The following ACTR10 variants were observed in gnomAD, a reference collection of about 807,000 sequenced individuals.
ACTR10 encodes actin-related protein 10.
In ACTR10, 43 loss-of-function variants were observed where a neutral mutation model predicts 56.2. The observed-to-expected ratio is 0.77, with a 90% CI of 0.60 to 0.99. The LOEUF (loss-of-function observed/expected upper bound fraction) is 0.99. Among genes scored for constraint, ACTR10 ranks in the 50% least tolerant of loss-of-function variants. The pLI is 0.00. For synonymous variants in ACTR10, 170 were observed against 176.3 expected (o/e 0.96, Z 0.28); for missense variants, 466 against 507.8 (o/e 0.92, Z 0.79).
intron 4 of ACTR10, among the ~76,000 whole-genome samples, chr14:58,209,604 G>A (rs1888947622): frequency 1.3e-5 from 2 of 152,060 alleles, no homozygotes; most frequent in Admixed American, 1.3e-4. Flanking sequence ...CTCCCTTAGA[G>A]TAAGTTGGTA....
chr14:58,207,872 T>C, intron 2 of ACTR10, 64 bp from the exon 3 acceptor site: 1 of 992,380 alleles, frequency 1.0e-6, no homozygotes. Context: ...AATAATTACA[T>C]TTTAATCTTA....
At chr14:58,217,087 T>C (rs1374113965) in intron 7 of ACTR10, among the ~76,000 whole-genome samples, 1 of 152,224 alleles carries the variant, frequency 6.6e-6, no homozygotes, top group Non-Finnish European at 1.5e-5. Flanking sequence ...AACTTTGTGA[T>C]GTCTTAGTAT....
In ACTR10 at chr14:58,224,000, T is replaced by C; in HGVS notation, c.788+144T>C. The C allele has an allele frequency of 5.4e-6, 4 of 745,776 alleles. No homozygotes were observed. The East Asian group carries it at 1.1e-4, about 20-fold the overall frequency. 46.2% of individuals were successfully genotyped at this position (745,776 alleles called of 1,614,324 possible). A position where few individuals can be genotyped will look rare whatever the true frequency, so the allele number is the denominator to read the frequency against. ...AAGCCTCATTATTCATGATTAATTT[T>C]ATTCAGCTTTTTTTTTTTGAGACAA... On this transcript the variant is annotated intron_variant, in intron 10 of 12. Transcript: ENST00000254286.
intron 11 of ACTR10, 50 bp downstream of exon 11, chr14:58,230,530 A>G (rs1322324105): frequency 2.1e-6 from 2 of 967,180 alleles, no homozygotes; most frequent in Non-Finnish European, 1.5e-6. Flanking sequence ...TCCTTTAAAT[A>G]TAAATTTTAA....
intron 12 of ACTR10, 131 bp downstream of exon 12, chr14:58,232,398 CTTTTTCTTTTTTTTT>C: frequency 4.9e-6 from 1 of 204,740 alleles, no homozygotes; most frequent in Non-Finnish European, 8.5e-6. Flanking sequence ...CTAACACTGA[CTTTTTCTTTTTTTTT>C]TTTTTTTTTT....
chr14:58,208,932 T>C, intron 3 of ACTR10, 67 bp from the exon 4 acceptor site: 1 of 1,054,342 alleles, frequency 9.5e-7, no homozygotes, highest in Non-Finnish European at 1.4e-6. Context: ...TCACTGTTCT[T>C]AAATTGTATG....
intron 6 of ACTR10, among the ~76,000 whole-genome samples, chr14:58,214,169 A>G (rs1889072942): frequency 6.6e-6 from 1 of 152,002 alleles, no homozygotes; most frequent in African/African-American, 2.4e-5. Context: ...TCCCTCCACT[A>G]TCCTCCCTGG....
intron 8 of ACTR10, among the ~76,000 whole-genome samples, chr14:58,222,150 A>G (rs984741608): frequency 1.9e-4 from 29 of 152,044 alleles, no homozygotes; most frequent in African/African-American, 5.3e-4. Flanking sequence ...TGCATTATAT[A>G]TATTATACAC....
intron 2 of ACTR10, among the ~76,000 whole-genome samples, chr14:58,206,021 C>CA (rs1019299482): frequency 3.3e-5 from 5 of 149,512 alleles, no homozygotes; most frequent in East Asian, 2.1e-4. Context: ...GACTCCATGT[C>CA]AAAAAAAACG....
intron 2 of ACTR10, among the ~76,000 whole-genome samples, chr14:58,204,904 G>A (rs1888818137): frequency 6.6e-6 from 1 of 151,826 alleles, no homozygotes; most frequent in African/African-American, 2.4e-5. Flanking sequence ...TCCTTTTTTA[G>A]CAATCGCATA....
intron 6 of ACTR10, among the ~76,000 whole-genome samples, chr14:58,214,636 G>A (rs909127983): frequency 3.3e-5 from 5 of 151,118 alleles, no homozygotes; most frequent in South Asian, 2.1e-4. Context: ...GACTACAGGC[G>A]TGCGCCGCCA....
intron 2 of ACTR10, among the ~76,000 whole-genome samples, chr14:58,206,234 A>G (rs1043004647): frequency 1.3e-5 from 2 of 150,882 alleles, no homozygotes; most frequent in African/African-American, 4.9e-5. Flanking sequence ...GGAGTGCAGT[A>G]TCATGATCTC....
chr14:58,232,367 T>C (rs1889559061), intron 12 of ACTR10, 100 bp downstream of exon 12: 1 of 799,722 alleles, frequency 1.3e-6, no homozygotes, highest in Non-Finnish European at 1.9e-6. Context: ...GGGTTCAGAA[T>C]TGCCCACTTT....
chr14:58,209,442 CT>C (rs1280816222), intron 4 of ACTR10, among the ~76,000 whole-genome samples: 1 of 151,752 alleles, frequency 6.6e-6, no homozygotes, highest in Non-Finnish European at 1.5e-5. Flanking sequence ...TATTTGGGGA[CT>C]TTTTTTTATT....
chr14:58,231,162 C>G, intron 11 of ACTR10: 1 of 238,302 alleles, frequency 4.2e-6, no homozygotes, highest in South Asian at 3.6e-5. Context: ...AAGTGAGTAT[C>G]CTGCCTCAGC....
At position 58,234,498 on chromosome 14, in the gene ACTR10, G is replaced by A. The variant is rs1365505956; in HGVS notation, c.1201G>A (p.Val401Ile). The A allele has an allele frequency of 2.5e-6, 4 of 1,613,752 alleles. No individual in the cohort carries two copies. Among genetic ancestry groups the A allele is most frequent in the Non-Finnish European group, 3.4e-6 (4 of 1,179,812 alleles). ...CCCACCTTTGGAAATGATGTTTGATGTCGGGAAAACTCAACCACCTCTGAT... is the reference window on the plus strand; with the variant it reads ...CCCACCTTTGGAAATGATGTTTGATATCGGGAAAACTCAACCACCTCTGAT... Reference protein sequence around the residue: ...NNPPLEMMFDVGKTQPPLMKR... With the variant: ...NNPPLEMMFDIGKTQPPLMKR... Residue 401 changes from valine (V) to isoleucine (I), a missense_variant, in exon 13 of 13, where the codon GTC (valine) becomes ATC (isoleucine). Coordinates refer to ENST00000254286, the MANE Select transcript of ACTR10 (RefSeq NM_018477.3).
chr14:58,228,616 C>CT (rs1889456264), intron 10 of ACTR10, among the ~76,000 whole-genome samples: 1 of 144,310 alleles, frequency 6.9e-6, no homozygotes, highest in African/African-American at 2.6e-5. Flanking sequence ...AAAAAAAAGT[C>CT]CGACATATTA....
At chr14:58,211,102 T>C (rs1859551046) in intron 4 of ACTR10, 190 bp from the exon 5 acceptor site, 2 of 482,208 alleles carry the variant, frequency 4.1e-6, no homozygotes, top group Non-Finnish European at 3.7e-6. Context: ...GTATTTTGGT[T>C]ATTGAGTGAA....
chr14:58,211,927 G>A (rs1401118967), intron 5 of ACTR10, among the ~76,000 whole-genome samples: 5 of 148,240 alleles, frequency 3.4e-5, no homozygotes, highest in Non-Finnish European at 7.4e-5. Flanking sequence ...GCGACAGAGC[G>A]AGACTCTGTC....
Sources: allele counts gnomAD v4.1 joint callset (sites outside exome capture counted in the v4.1 genomes callset), GRCh38; gene constraint gnomAD v4.1.1; transcripts MANE v1.5; gene names NCBI Gene and HGNC (gene_info 2026-07-23, HGNC 2026-07-21).